Variants in PFKFB4 observed in about 807,000 individuals in gnomAD.
PFKFB4 encodes the protein 6-phosphofructo-2-kinase/fructose-2,6-bisphosphatase 4.
In PFKFB4, 42 loss-of-function variants were observed where a neutral mutation model predicts 62.8. The ratio of observed to expected loss-of-function variants is 0.67; its 90% CI spans 0.52 to 0.86. PFKFB4 has a LOEUF of 0.86. Among genes scored for constraint, PFKFB4 ranks in the 40% least tolerant of loss-of-function variants. The pLI, the probability that PFKFB4 is intolerant of heterozygous loss-of-function variation, is 0.00. For missense variants in PFKFB4, 475 were observed against 627.2 expected (o/e 0.76, Z 2.59); for synonymous variants, 204 against 240.7 (o/e 0.85, Z 1.41).
At chr3:48,550,990 A>G (rs2043125828) in intron 1 of PFKFB4, among the ~76,000 whole-genome samples, 1 of 152,316 alleles carries the variant, frequency 6.6e-6, no homozygotes, top group Middle Eastern at 3.4e-3. Context: ...TAAGGACCAC[A>G]AGGGGTTGAG....
chr3:48,519,847 A>G (rs772877491), intron 13 of PFKFB4, 41 bp from the exon 14 acceptor site: 2 of 1,497,506 alleles, frequency 1.3e-6, no homozygotes, highest in South Asian at 1.1e-5. Flanking sequence ...CATGGCAGGA[A>G]TAGATGAGAT....
At chr3:48,524,763 A>G (rs910282124) in intron 10 of PFKFB4, among the ~76,000 whole-genome samples, 2 of 152,124 alleles carry the variant, frequency 1.3e-5, no homozygotes, top group Non-Finnish European at 2.9e-5. Context: ...ATGTGTATAT[A>G]TATGTGTACA....
chr3:48,549,939 C>A lies in PFKFB4; in HGVS notation c.236G>T (p.Arg79Leu). 6.2e-7 allele frequency: 1 copy of A among 1,613,286 alleles called. No individual in the cohort carries two copies. The highest frequency in any genetic ancestry group is 8.5e-7 in the Non-Finnish European group (1 of 1,179,230). Residue 79 changes from arginine to leucine, a missense_variant, in exon 3 of 14, where the codon CGC (arginine) becomes CTC (leucine). Coordinates refer to ENST00000232375, the MANE Select transcript of PFKFB4 (RefSeq NM_004567.4). ...TTTGTAGGTCTTGACCACGTCCCGG[C>A]GATACTGGCCAACATTGAACTCTGG... The part of the protein sequence containing the change: ...PTREFNVGQY[R>L]RDVVKTYKSF...
At chr3:48,561,343 C>T (rs1443096006), upstream of PFKFB4, among the ~76,000 whole-genome samples, 1 of 152,286 alleles carries the variant, frequency 6.6e-6, no homozygotes. The surrounding 1 kb of genome is among the most constrained non-coding windows in gnomAD (Gnocchi z 5.2). Flanking sequence ...CCCTCTCCCG[C>T]CAGAGCTGCC....
intron 1 of PFKFB4, among the ~76,000 whole-genome samples, chr3:48,551,957 A>G (rs1366364978): frequency 1.3e-5 from 2 of 152,164 alleles, no homozygotes; most frequent in African/African-American, 4.8e-5. Context: ...AGATGAACAG[A>G]TGTGGGGACC....
chr3:48,523,986 G>A (rs2042178046), intron 10 of PFKFB4, among the ~76,000 whole-genome samples, 156 bp from the exon 11 acceptor site: 1 of 152,166 alleles, frequency 6.6e-6, no homozygotes, highest in African/African-American at 2.4e-5. Flanking sequence ...AGGCCATGGG[G>A]GTGGGCAGCT....
intron 5 of PFKFB4, 127 bp downstream of exon 5, chr3:48,539,570 T>C: frequency 1.2e-6 from 1 of 864,758 alleles, no homozygotes. Flanking sequence ...GCCCCTCTCA[T>C]CCCAAATTAC....
At chr3:48,536,173 C>T (rs1170233791) in intron 8 of PFKFB4, 83 bp downstream of exon 8, 3 of 1,159,438 alleles carry the variant, frequency 2.6e-6, no homozygotes, top group South Asian at 1.3e-5. Context: ...AGCCTAGCCC[C>T]AGCGCACTCA....
chr3:48,549,648 C>G (rs1382170339), intron 3 of PFKFB4, among the ~76,000 whole-genome samples: 1 of 152,158 alleles, frequency 6.6e-6, no homozygotes, highest in African/African-American at 2.4e-5. Flanking sequence ...CACCTCCCAC[C>G]CCCACCACAT....
At chr3:48,535,996 GCT>G (rs2042593363) in intron 8 of PFKFB4, among the ~76,000 whole-genome samples, 2 of 152,310 alleles carry the variant, frequency 1.3e-5, no homozygotes. Flanking sequence ...GACTCAGGTC[GCT>G]CTAAGGGTGG....
intron 5 of PFKFB4, 154 bp from the exon 6 acceptor site, chr3:48,539,464 G>A (rs9849280): frequency 0.042 from 31,286 of 748,248 alleles, 889 homozygotes; most frequent in East Asian, 0.089. Flanking sequence ...CTGGAGGCGG[G>A]GTCAAGGAGT....
At chr3:48,528,033 C>T (rs956626956) in intron 9 of PFKFB4, among the ~76,000 whole-genome samples, 1 of 151,972 alleles carries the variant, frequency 6.6e-6, no homozygotes, top group African/African-American at 2.4e-5. Flanking sequence ...ATGAAAAGAA[C>T]GTTGATAGAA....
At chr3:48,528,421 G>A (rs1181019570) in intron 9 of PFKFB4, among the ~76,000 whole-genome samples, 2 of 152,208 alleles carry the variant, frequency 1.3e-5, no homozygotes, top group African/African-American at 4.8e-5. Flanking sequence ...CAGCACTTTG[G>A]GAGGCCAAGG....
At chr3:48,520,612 C>T (rs1242917537) in intron 13 of PFKFB4, among the ~76,000 whole-genome samples, 1 of 152,216 alleles carries the variant, frequency 6.6e-6, no homozygotes, top group East Asian at 1.9e-4. Context: ...GGACCGGCCC[C>T]TGGAATTGTA....
chr3:48,551,689 C>T (rs754009306), intron 1 of PFKFB4, among the ~76,000 whole-genome samples: 72 of 151,696 alleles, frequency 4.7e-4, no homozygotes, highest in South Asian at 1.0e-3. Context: ...GGATTACAAG[C>T]ACATGCCACC....
rs756179637 is a variant in PFKFB4, at chr3:48,538,519, G to A, written c.611C>T (p.Ser204Leu). ...RIECYENSYE[S>L]LDEDLDRDLS... is the part of the protein sequence containing the mutation. ...TCACCTATCCAGGTCCTCATCTAGC[G>A]ACTCGTAGGAGTTCTCATAGCACTC... Residue 204 changes from serine to leucine, a missense_variant, in exon 7 of 14, where the codon TCG (serine) becomes TTG (leucine). Transcript: ENST00000232375. 8 of 1,613,938 alleles carry A rather than the reference G, an allele frequency of 5.0e-6. No homozygotes were observed. Among genetic ancestry groups the A allele is most frequent in the Non-Finnish European group, 6.8e-6 (8 of 1,180,040 alleles).
chr3:48,550,550 G>T (rs928013995), intron 1 of PFKFB4, among the ~76,000 whole-genome samples: 3 of 152,118 alleles, frequency 2.0e-5, no homozygotes, highest in Non-Finnish European at 4.4e-5. Flanking sequence ...GGCTAGGGGG[G>T]TCCCCACCGC....
upstream of PFKFB4, among the ~76,000 whole-genome samples, chr3:48,558,128 A>G (rs2043374132): frequency 6.6e-6 from 1 of 152,170 alleles, no homozygotes; most frequent in African/African-American, 2.4e-5. Flanking sequence ...CTATATTTGT[A>G]TCTCCCTCTT....
intron 8 of PFKFB4, 52 bp downstream of exon 8, chr3:48,536,204 C>T (rs371611467): frequency 1.1e-4 from 158 of 1,501,026 alleles, no homozygotes; most frequent in East Asian, 6.6e-4. Flanking sequence ...TACCCAGCCA[C>T]GCAGGGTACA....
Sources: allele counts gnomAD v4.1 joint callset (sites outside exome capture counted in the v4.1 genomes callset), GRCh38; gene constraint gnomAD v4.1.1; non-coding constraint Gnocchi (gnomAD v3.1); transcripts MANE v1.5; gene names NCBI Gene and HGNC (gene_info 2026-07-23, HGNC 2026-07-21).